The following CRACDL variants were observed in gnomAD, a reference collection of about 807,000 sequenced individuals.
The protein encoded by CRACDL is CRACD like.
In CRACDL, 26 loss-of-function variants were observed where a neutral mutation model predicts 70.6. That is an observed-to-expected ratio of 0.37 (90% CI 0.27 to 0.51). The LOEUF is 0.51. CRACDL is among the 20% of genes least tolerant of loss of function. The probability of loss-of-function intolerance (pLI) is 0.94; values close to 1 mark genes in which losing one functional copy is unlikely to be tolerated. For missense variants in CRACDL, 1,283 were observed against 1,376.9 expected (o/e 0.93, Z 1.08); for synonymous variants, 618 against 615.2 (o/e 1.00, Z -0.07).
At chr2:98,912,593 G>A (rs997303083) in intron 1 of CRACDL, among the ~76,000 whole-genome samples, 1 of 152,210 alleles carries the variant, frequency 6.6e-6, no homozygotes, top group Non-Finnish European at 1.5e-5. Context: ...GACAGCTCCT[G>A]AGAGCCGACC....
chr2:98,889,822 C>A (rs1035456437), intron 1 of CRACDL, among the ~76,000 whole-genome samples: 1 of 152,096 alleles, frequency 6.6e-6, no homozygotes, highest in Non-Finnish European at 1.5e-5. Flanking sequence ...GTTCTCCAAC[C>A]ACAACAGAAT....
At chr2:98,826,908 G>T (rs182007497) in intron 6 of CRACDL, 67 bp downstream of exon 6, 44,953 of 1,264,918 alleles carry the variant, frequency 0.036, 920 homozygotes, top group Admixed American at 0.049. Context: ...AGGCAGGTTG[G>T]GGGGGGGCAT....
At chr2:98,895,069 C>G (rs1708083300) in intron 1 of CRACDL, among the ~76,000 whole-genome samples, 1 of 152,102 alleles carries the variant, frequency 6.6e-6, no homozygotes, top group African/African-American at 2.4e-5. Context: ...CATGATCATA[C>G]CACTACGCTC....
intron 1 of CRACDL, chr2:98,868,976 A>C (rs1347654154): frequency 3.7e-6 from 2 of 534,636 alleles, no homozygotes; most frequent in African/African-American, 3.9e-5. Flanking sequence ...ATTTATCCAT[A>C]GGCCTCAGGG....
chr2:98,877,915 T>C (rs1707529725), intron 1 of CRACDL, among the ~76,000 whole-genome samples: 1 of 151,914 alleles, frequency 6.6e-6, no homozygotes, highest in Non-Finnish European at 1.5e-5. Flanking sequence ...GCTCCATTCA[T>C]AGTAAGGAAC....
chr2:98,879,517 C>T (rs12468024), intron 1 of CRACDL, among the ~76,000 whole-genome samples: 76,654 of 151,964 alleles, frequency 0.5, 20,485 homozygotes, highest in African/African-American at 0.66. Context: ...AGACACCTAA[C>T]ATTCCAAATC....
intron 1 of CRACDL, among the ~76,000 whole-genome samples, chr2:98,917,200 G>A (rs1157573073): frequency 6.6e-6 from 1 of 152,114 alleles, no homozygotes; most frequent in African/African-American, 2.4e-5. Context: ...ACTGCACTCC[G>A]GCAGACGAAT....
intron 5 of CRACDL, among the ~76,000 whole-genome samples, chr2:98,830,220 T>C (rs1705483316): frequency 6.6e-6 from 1 of 152,270 alleles, no homozygotes; most frequent in South Asian, 2.1e-4. Context: ...GTTATCACAC[T>C]TGGTGATAAA....
intron 1 of CRACDL, among the ~76,000 whole-genome samples, chr2:98,904,961 C>T (rs1708369826): frequency 6.6e-6 from 1 of 152,274 alleles, no homozygotes; most frequent in African/African-American, 2.4e-5. Flanking sequence ...TTAAGAGAGG[C>T]TGGGCCCGGC....
chr2:98,803,808 T>C (rs1704180905), intron 7 of CRACDL, among the ~76,000 whole-genome samples: 1 of 152,126 alleles, frequency 6.6e-6, no homozygotes, highest in African/African-American at 2.4e-5. Flanking sequence ...CTTCAACAAA[T>C]AGAACAGCGG....
Position 98,822,904 on chromosome 2 carries a change from C to A in CRACDL, c.1369G>T (p.Ala457Ser). 1 of 1,473,070 alleles carries A rather than the reference C, an allele frequency of 6.8e-7. No homozygotes were observed. Among genetic ancestry groups the A allele is most frequent in the Non-Finnish European group, 8.9e-7 (1 of 1,122,718 alleles). The allele number at this position is 1,473,070 out of a possible 1,614,324, so 91.2% of individuals were successfully genotyped here. Residue 457 changes from alanine to serine, a missense_variant, in exon 7 of 10, where the codon GCG becomes TCG. Ala to Ser is a moderately conservative substitution (Grantham distance 99, BLOSUM62 1). This residue lies in a region of CRACDL where 921 missense variants were observed against 881.9 expected (regional missense o/e 1.04). Coordinates refer to ENST00000397899, the MANE Select transcript of CRACDL (RefSeq NM_207362.3). This position sits in a 1 kb window ranked among gnomAD's most constrained non-coding sequence, Gnocchi z 4.9. ...PDEEKGPPGP[A>S]PEPEREAETE... ...TCCGCTTCTCTCTCGGGCTCAGGCG[C>A]CGGCCCTGGGGGCCCCTTCTCCTCA... is the stretch of plus-strand genomic sequence containing the variant.
chr2:98,824,408 G>A (rs1053208900), intron 6 of CRACDL, among the ~76,000 whole-genome samples: 1 of 151,526 alleles, frequency 6.6e-6, no homozygotes, highest in Non-Finnish European at 1.5e-5. Context: ...CTACTGGCTT[G>A]GCAAACATAC....
chr2:98,854,368 T>C (rs933921799), intron 1 of CRACDL, among the ~76,000 whole-genome samples: 4 of 146,752 alleles, frequency 2.7e-5, no homozygotes, highest in African/African-American at 1.0e-4. Flanking sequence ...ATAAAAAATA[T>C]ATAAAGCTTC....
At chr2:98,820,644 GA>G (rs950762531) in intron 7 of CRACDL, among the ~76,000 whole-genome samples, 17 of 152,216 alleles carry the variant, frequency 1.1e-4, no homozygotes, top group African/African-American at 4.1e-4. Flanking sequence ...AACACTATAA[GA>G]AGTGACAAAT....
At chr2:98,865,798 C>CTTTTTT (rs1157009185) in intron 1 of CRACDL, among the ~76,000 whole-genome samples, 2 of 134,440 alleles carry the variant, frequency 1.5e-5, no homozygotes, top group African/African-American at 5.5e-5. Context: ...GGACTTTCTG[C>CTTTTTT]TTTTTTTTTT....
At chr2:98,914,730 G>A (rs908032733) in intron 1 of CRACDL, among the ~76,000 whole-genome samples, 4 of 152,178 alleles carry the variant, frequency 2.6e-5, no homozygotes, top group African/African-American at 9.7e-5. Flanking sequence ...CTCCATCAGT[G>A]TCTCTGCTGA....
intron 7 of CRACDL, among the ~76,000 whole-genome samples, chr2:98,814,194 T>G (rs1016796821): frequency 1.3e-5 from 2 of 152,140 alleles, no homozygotes; most frequent in Admixed American, 1.3e-4. Flanking sequence ...ATTATTTCTT[T>G]CCTTCTTGCT....
chr2:98,795,761 T>C (rs992637239), intron 9 of CRACDL, among the ~76,000 whole-genome samples: 2 of 152,198 alleles, frequency 1.3e-5, no homozygotes, highest in Non-Finnish European at 2.9e-5. Context: ...ACTCAAGTAC[T>C]GCAGTCAGCC....
intron 9 of CRACDL, among the ~76,000 whole-genome samples, chr2:98,795,052 T>A (rs760689704): frequency 0.037 from 702 of 18,970 alleles, 137 homozygotes; most frequent in African/African-American, 0.074. Flanking sequence ...TATATATATA[T>A]ATATATATAT....
Sources: gnomAD v4.1 joint callset for allele counts (sites outside exome capture counted in the v4.1 genomes callset) on GRCh38, gnomAD v4.1.1 for gene constraint, gnomAD v4.1.1 regional missense constraint, Gnocchi (gnomAD v3.1) non-coding constraint, MANE v1.5 for transcripts, NCBI Gene and HGNC (gene_info 2026-07-23, HGNC 2026-07-21) for gene names.